Variants in FCRL5 observed in about 807,000 individuals in gnomAD.
FCRL5 encodes Fc receptor like 5, also known as Fc receptor-like protein 5.
FCRL5 carries 79 observed loss-of-function variants against 92.1 expected under a neutral mutation model. The observed-to-expected ratio is 0.86, with a 90% CI of 0.72 to 1.03. The LOEUF (loss-of-function observed/expected upper bound fraction) is 1.03, where lower values mean the gene tolerates loss of function less well. FCRL5 is among the 50% of genes least tolerant of loss of function. The probability of loss-of-function intolerance (pLI) is 0.00; values close to 1 mark genes in which losing one functional copy is unlikely to be tolerated. For synonymous variants in FCRL5, 466 were observed against 469.3 expected, an observed-to-expected ratio of 0.99 and a Z score of 0.09; for missense variants, 1,160 against 1,181.1, an observed-to-expected ratio of 0.98 and a Z score of 0.26.
intron 13 of FCRL5, 156 bp from the exon 14 acceptor site, chr1:157,518,938 T>G: frequency 1.8e-6 from 1 of 558,140 alleles, no homozygotes; most frequent in Non-Finnish European, 3.2e-6. Flanking sequence ...CTATTATGAA[T>G]CATAATCATA....
chr1:157,515,901 T>C (rs1207617193), intron 15 of FCRL5, 28 bp from the exon 16 acceptor site: 1 of 1,612,586 alleles, frequency 6.2e-7, no homozygotes, highest in Admixed American at 1.7e-5. Flanking sequence ...TGTTCAGTTG[T>C]GGAAGACTGG....
rs1228130497 is a variant in FCRL5 at position 157,549,658 on chromosome 1, C to A, written c.32-78G>T. ...TAAGAAGATAATTCCCTTTTTTACC[C>A]ATGCATGTATTACTTGTCCCTTTAA... On this transcript the variant is annotated intron_variant, in intron 1 of 16. Transcript: ENST00000361835. 6.7e-6 allele frequency: 9 copies of A among 1,346,708 alleles called. No homozygotes were observed. The South Asian group carries it at 7.9e-5, about 12-fold the overall frequency. 83.4% of individuals were successfully genotyped at this position (1,346,708 alleles called of 1,614,324 possible). A position where few individuals can be genotyped will look rare whatever the true frequency, so the allele number is the denominator to read the frequency against.
chr1:157,520,358 G>T (rs1371668182), intron 12 of FCRL5, 73 bp downstream of exon 12: 3 of 1,059,926 alleles, frequency 2.8e-6, no homozygotes, highest in African/African-American at 1.6e-5. Context: ...GGTCACAAAG[G>T]CAGCATGAAG....
intron 2 of FCRL5, among the ~76,000 whole-genome samples, chr1:157,548,698 T>A (rs1429756655): frequency 6.6e-6 from 1 of 152,208 alleles, no homozygotes; most frequent in Non-Finnish European, 1.5e-5. Context: ...TCATCATCAC[T>A]GGCCATCAGA....
At chr1:157,529,177 C>A (rs950721539) in intron 8 of FCRL5, among the ~76,000 whole-genome samples, 1 of 152,096 alleles carries the variant, frequency 6.6e-6, no homozygotes, top group African/African-American at 2.4e-5. Context: ...AAAGAAGATA[C>A]ACAAATTGCC....
chr1:157,521,225 C>T lies in FCRL5; in HGVS notation c.2307G>A (p.Leu769=). 4 of 1,614,056 alleles carry T rather than the reference C, an allele frequency of 2.5e-6. No individual in the cohort carries two copies. The highest frequency in any genetic ancestry group is 3.4e-6 in the Non-Finnish European group (4 of 1,180,028). ...CTCTCAGGGCCTCACAGTGAAGCTC[C>T]AGCAGGTCCCCCACCGCAGCATGGG... is the stretch of plus-strand genomic sequence containing the variant. ...PGTHAAVGDL[L]ELHCEALRGS... The change falls in exon 11 of 17, where the codon CTG becomes CTA. Residue 769 remains leucine, a synonymous_variant. Coordinates refer to ENST00000361835, the MANE Select transcript of FCRL5 (RefSeq NM_031281.3).
Position 157,519,749 on chromosome 1 carries a change from G to A in FCRL5, c.2654C>T (p.Pro885Leu). 1 of 1,614,030 alleles carries A rather than the reference G, an allele frequency of 6.2e-7. No individual in the cohort carries two copies. Among genetic ancestry groups the A allele is most frequent in the Non-Finnish European group, 8.5e-7 (1 of 1,179,938 alleles). ...RKAGRKPASD[P>L]ARSPSDSDSQ... ...AATGCAGCTCAGCTCTTACCTGGCG[G>A]GGTCAGAGGCAGGCTTTCTCCCTGT... The change falls in exon 13 of 17, where the codon CCC (proline) becomes CTC (leucine). Residue 885 changes from proline to leucine, a missense_variant. Pro to Leu is a moderately conservative substitution (Grantham distance 98). Transcript: ENST00000361835.
intron 14 of FCRL5, 46 bp downstream of exon 14, chr1:157,518,654 C>T: frequency 6.4e-7 from 1 of 1,570,948 alleles, no homozygotes; most frequent in Non-Finnish European, 8.7e-7. Context: ...CGCTTTCCCA[C>T]ACCAGCCCTC....
intron 6 of FCRL5, among the ~76,000 whole-genome samples, chr1:157,540,120 A>G (rs985436632): frequency 2.6e-5 from 4 of 152,200 alleles, no homozygotes; most frequent in African/African-American, 9.6e-5. Flanking sequence ...TCCAGTCCAC[A>G]GGCTCTACCC....
intron 6 of FCRL5, among the ~76,000 whole-genome samples, chr1:157,539,875 C>A (rs1470799315): frequency 6.6e-6 from 1 of 152,216 alleles, no homozygotes; most frequent in Non-Finnish European, 1.5e-5. Context: ...AAGAATGCAA[C>A]TGTTTGTCTG....
chr1:157,520,293 C>G (rs550297693), intron 12 of FCRL5, 138 bp downstream of exon 12: 1 of 646,626 alleles, frequency 1.5e-6, no homozygotes, highest in Admixed American at 2.9e-5. Context: ...GAGGACCCAG[C>G]GGGAAAGGAA....
At chr1:157,525,992 G>A (rs2101607061) in intron 9 of FCRL5, among the ~76,000 whole-genome samples, 1 of 152,300 alleles carries the variant, frequency 6.6e-6, no homozygotes, top group East Asian at 1.9e-4. Flanking sequence ...ATTTATAGAT[G>A]ACAAGGCCAT....
intron 15 of FCRL5, among the ~76,000 whole-genome samples, chr1:157,518,014 C>G (rs1650005855): frequency 6.6e-6 from 1 of 152,134 alleles, no homozygotes; most frequent in Non-Finnish European, 1.5e-5. Flanking sequence ...CCTGACCATG[C>G]TGGCACCTTG....
intron 10 of FCRL5, chr1:157,523,962 A>G (rs1337710120): frequency 4.8e-6 from 2 of 419,930 alleles, no homozygotes; most frequent in African/African-American, 4.0e-5. Context: ...AGAGAAACAT[A>G]TGCTCAGAAT....
At chr1:157,552,096 G>T (rs1169463581) in intron 1 of FCRL5, among the ~76,000 whole-genome samples, 1 of 152,172 alleles carries the variant, frequency 6.6e-6, no homozygotes, top group African/African-American at 2.4e-5. Flanking sequence ...AATTTTAATT[G>T]TTGTGGTTAT....
chr1:157,527,725 C>T lies in FCRL5; in HGVS notation c.1852G>A (p.Ala618Thr), dbSNP rs1650496782. The change falls in exon 9 of 17, where the codon GCT becomes ACT. Residue 618 changes from alanine to threonine, a missense_variant. Physicochemically the swap from Ala to Thr is moderately conservative, Grantham distance 58. Transcript: ENST00000361835. ...GSSSAPSGGE[A>T]SFNLSLTAEH... ...GCAGTCAGAGAGAGGTTGAAAGAAG[C>T]TTCTCCTCCAGAGGGGGCTGAGCTG... 6.2e-7 allele frequency: 1 copy of T among 1,614,064 alleles called. No homozygotes were observed.
chr1:157,521,361 T>C, intron 10 of FCRL5, 69 bp from the exon 11 acceptor site: 1 of 1,485,676 alleles, frequency 6.7e-7, no homozygotes, highest in Non-Finnish European at 9.0e-7. Context: ...AAAGGTATCA[T>C]AAACAAATGT....
At chr1:157,536,559 G>A (rs1650977637) in intron 7 of FCRL5, among the ~76,000 whole-genome samples, 1 of 152,216 alleles carries the variant, frequency 6.6e-6, no homozygotes, top group African/African-American at 2.4e-5. Flanking sequence ...AACCTTCATG[G>A]AGCCCAGATT....
At chr1:157,527,574 A>T in intron 9 of FCRL5, 43 bp downstream of exon 9, 1 of 1,528,296 alleles carries the variant, frequency 6.5e-7, no homozygotes, top group Non-Finnish European at 8.8e-7. Flanking sequence ...AAGTTAGGGG[A>T]GATGGTCTTT....
Sources: allele counts gnomAD v4.1 joint callset (sites outside exome capture counted in the v4.1 genomes callset), GRCh38; gene constraint gnomAD v4.1.1; transcripts MANE v1.5; gene names NCBI Gene and HGNC (gene_info 2026-07-23, HGNC 2026-07-21).